B3GALT1: variants seen among roughly 807,000 people sequenced by gnomAD.
B3GALT1 encodes UDP-Gal:betaGlcNAc beta 1,3-galactosyltransferase, polypeptide 1.
A neutral mutation model predicts 23.2 loss-of-function variants in B3GALT1; 10 were observed. That is an observed-to-expected ratio of 0.43 (90% CI 0.27 to 0.73). B3GALT1 has a LOEUF of 0.73. B3GALT1 is among the 30% of genes least tolerant of loss of function. The pLI is 0.21. For missense variants in B3GALT1, 299 were observed against 405.4 expected, an observed-to-expected ratio of 0.74 and a Z score of 2.25; for synonymous variants, 156 against 141.5, an observed-to-expected ratio of 1.10 and a Z score of -0.73.
intron 1 of B3GALT1, among the ~76,000 whole-genome samples, chr2:167,308,776 G>T (rs1696589519): frequency 1.3e-5 from 2 of 151,958 alleles, no homozygotes; most frequent in Non-Finnish European, 2.9e-5. Context: ...TCGGATATGA[G>T]AACTATACAG....
At chr2:167,372,570 G>A (rs1032850309) in intron 1 of B3GALT1, among the ~76,000 whole-genome samples, 8 of 151,850 alleles carry the variant, frequency 5.3e-5, no homozygotes, top group Non-Finnish European at 1.2e-4. Context: ...AAACATAATT[G>A]TTTATTTAGA....
rs189341976 is a variant in B3GALT1 at position 167,836,737 on chromosome 2, G to A, written c.-230+17944G>A. ...AGACACATAATTGTCAGATTCACCAGAGTTGAAATGAAGGAAAAAATTTTA... is the reference window on the plus strand; with the variant it reads ...AGACACATAATTGTCAGATTCACCAAAGTTGAAATGAAGGAAAAAATTTTA... On this transcript the variant is annotated intron_variant, in intron 4 of 4. Coordinates refer to ENST00000392690, the MANE Select transcript of B3GALT1 (RefSeq NM_020981.4). Among the ~76,000 whole-genome samples the A allele has an allele frequency of 9.2e-5, 14 of 152,240 alleles. No homozygotes were observed. The East Asian group carries it at 1.7e-3, about 19-fold the overall frequency.
chr2:167,414,453 C>T (rs966991500), intron 1 of B3GALT1, among the ~76,000 whole-genome samples: 4 of 152,106 alleles, frequency 2.6e-5, no homozygotes, highest in African/African-American at 9.7e-5. Flanking sequence ...CATTTTTGTT[C>T]ACTATGTGTT....
intron 2 of B3GALT1, among the ~76,000 whole-genome samples, chr2:167,628,848 G>A (rs909181719): frequency 6.6e-6 from 1 of 151,728 alleles, no homozygotes; most frequent in Non-Finnish European, 1.5e-5. Context: ...TCAATGGAGT[G>A]AGGTGGTGAT....
At chr2:167,564,243 G>A (rs1287961118) in intron 2 of B3GALT1, among the ~76,000 whole-genome samples, 3 of 150,502 alleles carry the variant, frequency 2.0e-5, no homozygotes, top group Admixed American at 6.6e-5. Context: ...GGGCAGAGGC[G>A]CTCCCCACAT....
chr2:167,637,681 G>A (rs1359072204), intron 2 of B3GALT1, among the ~76,000 whole-genome samples: 5 of 151,712 alleles, frequency 3.3e-5, no homozygotes, highest in Non-Finnish European at 7.4e-5. Context: ...CTAGTATTTG[G>A]TTACTGCCAT....
chr2:167,803,822 G>A (rs956331663), intron 3 of B3GALT1, among the ~76,000 whole-genome samples: 19 of 152,060 alleles, frequency 1.2e-4, no homozygotes, highest in Admixed American at 2.6e-4. Context: ...GTCACACACA[G>A]CACAATCCTA....
chr2:167,654,527 C>T (rs1402587991), intron 3 of B3GALT1, among the ~76,000 whole-genome samples: 1 of 151,960 alleles, frequency 6.6e-6, no homozygotes, highest in African/African-American at 2.4e-5. Flanking sequence ...TGAGACAGGG[C>T]CTCACTGTGC....
intron 1 of B3GALT1, among the ~76,000 whole-genome samples, chr2:167,361,435 C>T (rs1174133811): frequency 1.3e-5 from 2 of 151,984 alleles, no homozygotes; most frequent in African/African-American, 4.8e-5. Context: ...ATTAAAGAAA[C>T]AATCAGGGGA....
chr2:167,344,903 TAAGC>T (rs1211565345), intron 1 of B3GALT1, among the ~76,000 whole-genome samples: 1 of 152,146 alleles, frequency 6.6e-6, no homozygotes, highest in Non-Finnish European at 1.5e-5. Flanking sequence ...CTAAAGGTAT[TAAGC>T]AAGATAAGGT....
chr2:167,543,459 G>A (rs1574128053), intron 2 of B3GALT1, among the ~76,000 whole-genome samples: 1 of 152,212 alleles, frequency 6.6e-6, no homozygotes, highest in East Asian at 1.9e-4. Flanking sequence ...GGTATGCTGG[G>A]ATGGGAGTTG....
intron 1 of B3GALT1, among the ~76,000 whole-genome samples, chr2:167,341,003 A>G (rs921638662): frequency 1.1e-4 from 17 of 152,208 alleles, no homozygotes; most frequent in Non-Finnish European, 1.5e-5. Flanking sequence ...AAATAAAACA[A>G]TAAAATCAAA....
intron 1 of B3GALT1, among the ~76,000 whole-genome samples, chr2:167,417,182 G>A (rs181988075): frequency 6.6e-6 from 1 of 152,270 alleles, no homozygotes; most frequent in Admixed American, 6.5e-5. Context: ...AGTATTGAGA[G>A]GTGGGGCCTT....
chr2:167,829,645 T>C (rs1384546877), intron 4 of B3GALT1, among the ~76,000 whole-genome samples: 1 of 152,198 alleles, frequency 6.6e-6, no homozygotes, highest in African/African-American at 2.4e-5. Flanking sequence ...TTCCCACTCT[T>C]GAAAAGTCTC....
chr2:167,365,784 A>G (rs1370971104), intron 1 of B3GALT1, among the ~76,000 whole-genome samples: 1 of 152,212 alleles, frequency 6.6e-6, no homozygotes, highest in Non-Finnish European at 1.5e-5. Flanking sequence ...ACACCTACTG[A>G]TACAGCACAT....
intron 2 of B3GALT1, among the ~76,000 whole-genome samples, chr2:167,590,682 A>G (rs986860237): frequency 3.3e-5 from 5 of 152,200 alleles, no homozygotes; most frequent in Non-Finnish European, 7.3e-5. Context: ...AGTTTTACAC[A>G]TTTTCTAACA....
chr2:167,491,443 T>A (rs1177775429), intron 2 of B3GALT1, among the ~76,000 whole-genome samples: 2 of 151,978 alleles, frequency 1.3e-5, no homozygotes, highest in Non-Finnish European at 2.9e-5. Flanking sequence ...TTTGGTTTGG[T>A]TTAATTTTAA....
chr2:167,739,588 T>G (rs748633793), intron 3 of B3GALT1, among the ~76,000 whole-genome samples: 2 of 152,176 alleles, frequency 1.3e-5, no homozygotes, highest in Non-Finnish European at 2.9e-5. Flanking sequence ...TTCTTCTTTC[T>G]GATTCTAGCC....
chr2:167,570,333 T>C (rs1313021804), intron 2 of B3GALT1, among the ~76,000 whole-genome samples: 2 of 151,850 alleles, frequency 1.3e-5, no homozygotes, highest in East Asian at 3.9e-4. Context: ...ATTGATTCAA[T>C]TTCTGTAATA....
Sources: allele counts gnomAD v4.1 joint callset (sites outside exome capture counted in the v4.1 genomes callset), GRCh38; gene constraint gnomAD v4.1.1; transcripts MANE v1.5; gene names NCBI Gene and HGNC (gene_info 2026-07-23, HGNC 2026-07-21).